The following CDH4 variants were observed in gnomAD, a reference collection of about 807,000 sequenced individuals.
CDH4 encodes the protein cadherin 4, also known as cadherin-4.
In CDH4, 33 loss-of-function variants were observed where a neutral mutation model predicts 86.0. The ratio of observed to expected loss-of-function variants is 0.38; its 90% confidence interval spans 0.29 to 0.51. The LOEUF is 0.51. Ranked by LOEUF, CDH4 falls within the 20% of genes least tolerant of loss-of-function variation. The probability of loss-of-function intolerance (pLI) is 0.86; values close to 1 mark genes in which losing one functional copy is unlikely to be tolerated. For synonymous variants in CDH4, 555 were observed against 549.4 expected (o/e 1.01, Z -0.14); for missense variants, 1,114 against 1,307.4 (o/e 0.85, Z 2.28).
At chr20:61,524,449 ACT>A (rs1276638780) in intron 2 of CDH4, among the ~76,000 whole-genome samples, 1 of 149,868 alleles carries the variant, frequency 6.7e-6, no homozygotes, top group African/African-American at 2.5e-5. Flanking sequence ...AGTACTCGGG[ACT>A]CTCTGCACTA....
At chr20:61,598,781 G>A (rs924201618) in intron 2 of CDH4, among the ~76,000 whole-genome samples, 4 of 152,180 alleles carry the variant, frequency 2.6e-5, no homozygotes, top group East Asian at 3.9e-4. Context: ...GACTGGCTGC[G>A]GGGCACCCCA....
chr20:61,254,788 G>A (rs2084088778), intron 1 of CDH4, 38 bp from the exon 2 acceptor site: 2 of 1,276,988 alleles, frequency 1.6e-6, no homozygotes, highest in Non-Finnish European at 2.3e-6. Context: ...AAATTTCTGT[G>A]AACTTATTGT....
At chr20:61,735,696 C>T (rs1447631261) in intron 2 of CDH4, among the ~76,000 whole-genome samples, 2 of 152,242 alleles carry the variant, frequency 1.3e-5, no homozygotes, top group Admixed American at 6.5e-5. Flanking sequence ...CCACGGCCTC[C>T]GTGGCTAACG....
intron 2 of CDH4, among the ~76,000 whole-genome samples, chr20:61,513,101 C>G (rs6089234): frequency 0.031 from 4,687 of 152,288 alleles, 117 homozygotes; most frequent in Non-Finnish European, 0.047. Flanking sequence ...TTTTGTCCTA[C>G]AGGTAGGCCG....
chr20:61,774,265 G>C (rs572080643), intron 4 of CDH4, among the ~76,000 whole-genome samples: 1 of 152,312 alleles, frequency 6.6e-6, no homozygotes, highest in Non-Finnish European at 1.5e-5. Context: ...AGATTTTCCT[G>C]TGAAATGCAG....
intron 3 of CDH4, 68 bp from the exon 4 acceptor site, chr20:61,772,935 A>T: frequency 7.0e-7 from 1 of 1,420,036 alleles, no homozygotes; most frequent in Non-Finnish European, 9.7e-7. Flanking sequence ...ATCTTAGCAG[A>T]TGCCATTTTC....
rs1345001213 is a variant in CDH4 at position 61,754,643 on chromosome 20, C to T, written c.396+10854C>T. Among the ~76,000 whole-genome samples the T allele has an allele frequency of 2.1e-5, 3 of 146,308 alleles. No homozygotes were observed. The highest frequency in any genetic ancestry group is 3.0e-5 in the Non-Finnish European group (2 of 66,252). On this transcript the variant is annotated intron_variant, in intron 3 of 15. Coordinates refer to ENST00000614565, the MANE Select transcript of CDH4 (RefSeq NM_001794.5). The surrounding 1 kb of genome is among the most constrained non-coding windows in gnomAD (Gnocchi z 4.7). ...GGCACACACACCACACACACACGCC[C>T]CACACACCACACGCACACACGCCCC...
At chr20:61,652,056 A>G (rs1313843970) in intron 2 of CDH4, among the ~76,000 whole-genome samples, 2 of 152,244 alleles carry the variant, frequency 1.3e-5, no homozygotes, top group African/African-American at 4.8e-5. Flanking sequence ...GGCCTCGGCC[A>G]GGACGGCAGC....
chr20:61,866,623 G>A (rs1384357508), intron 6 of CDH4, among the ~76,000 whole-genome samples: 2 of 152,180 alleles, frequency 1.3e-5, no homozygotes, highest in African/African-American at 2.4e-5. Flanking sequence ...AAAGATGTAC[G>A]ATCCAGACCC....
intron 5 of CDH4, among the ~76,000 whole-genome samples, chr20:61,846,269 G>A (rs899430403): frequency 7.9e-5 from 12 of 152,222 alleles, no homozygotes; most frequent in Non-Finnish European, 1.6e-4. Context: ...CAGTGCCTGG[G>A]CTTCGTGTGC....
At chr20:61,738,647 G>A (rs892675296) in intron 2 of CDH4, 1 of 152,340 alleles carries the variant, frequency 6.6e-6, no homozygotes, top group Non-Finnish European at 1.5e-5. Context: ...AGCTGCAGAA[G>A]GTTCCCTCAG....
At chr20:61,883,970 T>C (rs931981558) in intron 7 of CDH4, among the ~76,000 whole-genome samples, 3 of 152,000 alleles carry the variant, frequency 2.0e-5, no homozygotes, top group Non-Finnish European at 2.9e-5. Flanking sequence ...TTTTGTGGAT[T>C]TAGGAAGCAG....
chr20:61,293,884 C>A (rs934590275), intron 2 of CDH4, among the ~76,000 whole-genome samples: 1 of 152,212 alleles, frequency 6.6e-6, no homozygotes, highest in South Asian at 2.1e-4. Flanking sequence ...GAGAACTGTT[C>A]GGCAGTGCCG....
chr20:61,571,932 G>A (rs915799038), intron 2 of CDH4, among the ~76,000 whole-genome samples: 1 of 152,082 alleles, frequency 6.6e-6, no homozygotes, highest in Admixed American at 6.5e-5. Context: ...CCATGTTTCA[G>A]AGGAGGAAAC....
intron 2 of CDH4, among the ~76,000 whole-genome samples, chr20:61,362,204 G>C (rs1051705202): frequency 6.6e-6 from 1 of 152,246 alleles, no homozygotes; most frequent in South Asian, 2.1e-4. Flanking sequence ...CAAGTGCAAA[G>C]CCTGGCAGGG....
chr20:61,416,840 A>G (rs1475574704), intron 2 of CDH4, among the ~76,000 whole-genome samples: 1 of 152,276 alleles, frequency 6.6e-6, no homozygotes, highest in African/African-American at 2.4e-5. Flanking sequence ...CTGCAGCTCT[A>G]TTCATTTTAA....
rs552912129 is a variant in CDH4 at position 61,510,797 on chromosome 20, G to A, written c.170-232766G>A. On this transcript the variant is annotated intron_variant, in intron 2 of 15. Coordinates refer to ENST00000614565, the MANE Select transcript of CDH4 (RefSeq NM_001794.5). This position sits in a 1 kb window ranked among gnomAD's most constrained non-coding sequence, Gnocchi z 4.2. ...GACTGGGTAATTTATAAAAGAAAGAGGTTTAATTGGCTCAAGGTTCTGCAG... is the reference window on the plus strand; with the variant it reads ...GACTGGGTAATTTATAAAAGAAAGAAGTTTAATTGGCTCAAGGTTCTGCAG... Among the ~76,000 whole-genome samples, 2 of 152,066 alleles carry A rather than the reference G, an allele frequency of 1.3e-5. No homozygotes were observed. The highest frequency in any genetic ancestry group is 4.8e-5 in the African/African-American group (2 of 41,386).
intron 2 of CDH4, among the ~76,000 whole-genome samples, chr20:61,454,026 CTG>C (rs1204910225): frequency 6.6e-6 from 1 of 152,226 alleles, no homozygotes; most frequent in Non-Finnish European, 1.5e-5. Context: ...CCCTGTGGAA[CTG>C]TGAGTCAATT....
rs1347402631 is a variant in CDH4, at chr20:61,829,735, G to A, written c.577-14933G>A. On this transcript the variant is annotated intron_variant, in intron 4 of 15. Coordinates refer to ENST00000614565, the MANE Select transcript of CDH4 (RefSeq NM_001794.5). This position sits in a 1 kb window ranked among gnomAD's most constrained non-coding sequence, Gnocchi z 4.2. ...GCCGACGCCCGTGGGCTGCAGACGGGTGGGTGACTGTGGGACCCTTGCTCA... is the reference window on the plus strand; with the variant it reads ...GCCGACGCCCGTGGGCTGCAGACGGATGGGTGACTGTGGGACCCTTGCTCA... 6.6e-6 allele frequency among the ~76,000 whole-genome samples: 1 copy of A among 152,168 alleles called. No individual in the cohort carries two copies. The highest frequency in any genetic ancestry group is 1.5e-5 in the Non-Finnish European group (1 of 68,014).
Sources: allele counts gnomAD v4.1 joint callset (sites outside exome capture counted in the v4.1 genomes callset), GRCh38; gene constraint gnomAD v4.1.1; non-coding constraint Gnocchi (gnomAD v3.1); transcripts MANE v1.5; gene names NCBI Gene and HGNC (gene_info 2026-07-23, HGNC 2026-07-21).